Variants in GMDS observed in about 807,000 individuals in gnomAD.
GMDS encodes the protein GDP-mannose 4,6-dehydratase, also known as GDP-mannose 4,6 dehydratase.
In GMDS, 20 loss-of-function variants were observed where a neutral mutation model predicts 49.9. The ratio of observed to expected loss-of-function variants is 0.40; its 90% confidence interval spans 0.28 to 0.58. The LOEUF (loss-of-function observed/expected upper bound fraction) is 0.58, where lower values mean the gene tolerates loss of function less well. Among genes scored for constraint, GMDS ranks in the 20% least tolerant of loss-of-function variants. GMDS has a pLI of 0.42. For synonymous variants in GMDS, 177 were observed against 178.6 expected, an observed-to-expected ratio of 0.99 and a Z score of 0.07; for missense variants, 362 against 481.4, an observed-to-expected ratio of 0.75 and a Z score of 2.32.
At chr6:1,859,471 C>G in intron 7 of GMDS, among the ~76,000 whole-genome samples, 1 of 152,158 alleles carries the variant, frequency 6.6e-6, no homozygotes, top group South Asian at 2.1e-4. Flanking sequence ...TAATGGCCAC[C>G]AAACGTGCAA....
chr6:1,720,184 A>T (rs1766328684), intron 9 of GMDS, among the ~76,000 whole-genome samples: 1 of 152,232 alleles, frequency 6.6e-6, no homozygotes, highest in Admixed American at 6.5e-5. Context: ...GGGTTATTAC[A>T]ATCAGTACAC....
intron 4 of GMDS, among the ~76,000 whole-genome samples, chr6:2,084,419 TC>T (rs1265319559): frequency 6.6e-6 from 1 of 152,168 alleles, no homozygotes; most frequent in African/African-American, 2.4e-5. Flanking sequence ...AACTTTCCAA[TC>T]TCTAAAATAG....
chr6:1,658,732 G>A (rs905230016), intron 9 of GMDS, among the ~76,000 whole-genome samples: 2 of 152,220 alleles, frequency 1.3e-5, no homozygotes, highest in Admixed American at 6.5e-5. Flanking sequence ...TATTTAGCTC[G>A]GCTTTCTGCT....
chr6:2,041,196 G>A (rs577859993), intron 4 of GMDS, among the ~76,000 whole-genome samples: 17 of 152,106 alleles, frequency 1.1e-4, no homozygotes, highest in South Asian at 8.3e-4. Context: ...CACATATGCC[G>A]ACATATATAT....
chr6:1,832,053 T>C (rs1286945185), intron 7 of GMDS, among the ~76,000 whole-genome samples: 2 of 151,950 alleles, frequency 1.3e-5, no homozygotes, highest in East Asian at 1.9e-4. Flanking sequence ...TAAGTGAAGG[T>C]AGGGTACAGA....
intron 1 of GMDS, among the ~76,000 whole-genome samples, chr6:2,136,304 T>C (rs1775996529): frequency 6.6e-6 from 1 of 152,258 alleles, no homozygotes; most frequent in Non-Finnish European, 1.5e-5. Context: ...TAAATTCATG[T>C]ACCCAACCTG....
intron 1 of GMDS, among the ~76,000 whole-genome samples, chr6:2,172,045 C>T (rs1462591729): frequency 6.6e-6 from 1 of 152,040 alleles, no homozygotes; most frequent in Non-Finnish European, 1.5e-5. Context: ...TCAAAGACAG[C>T]ATGTGTAACA....
At position 1,907,193 on chromosome 6, in the gene GMDS, G is replaced by A. The variant is rs182131019; in HGVS notation, c.771+22910C>T. ...ATGGGGAAGATGGCTTGGCATGCAC[G>A]TGTCAGTGTATGTGTATCAACTTGA... On this transcript the variant is annotated intron_variant, in intron 7 of 10. Coordinates refer to ENST00000380815, the MANE Select transcript of GMDS (RefSeq NM_001500.4). Among the ~76,000 whole-genome samples, 151 of 152,300 alleles carry A rather than the reference G, an allele frequency of 9.9e-4. 1 individual carries two copies. The highest frequency in any genetic ancestry group is 8.6e-3 in the Admixed American group (131 of 15,290).
intron 4 of GMDS, among the ~76,000 whole-genome samples, chr6:1,997,172 A>C (rs1766334088): frequency 6.6e-6 from 1 of 151,992 alleles, no homozygotes; most frequent in Non-Finnish European, 1.5e-5. Context: ...GCTTCTTAAG[A>C]CCTGAGGAAG....
chr6:1,837,817 C>A (rs1756993753), intron 7 of GMDS, among the ~76,000 whole-genome samples: 1 of 152,152 alleles, frequency 6.6e-6, no homozygotes, highest in African/African-American at 2.4e-5. Flanking sequence ...CACTTTCCCA[C>A]AGGTCTGGAC....
At position 1,742,704 on chromosome 6, in the gene GMDS, A is replaced by T. The variant is rs1767321584; in HGVS notation, c.772-118T>A. Reference sequence around the variant, plus strand: ...GCTGGAACATGAGCATGAATTTCATAGCATATTCTAAGCACAACAGCAATG... The same window carrying T: ...GCTGGAACATGAGCATGAATTTCATTGCATATTCTAAGCACAACAGCAATG... On this transcript the variant is annotated intron_variant, in intron 7 of 10. Transcript: ENST00000380815. The T allele has an allele frequency of 4.7e-6, 3 of 633,164 alleles. No individual in the cohort carries two copies. The African/African-American group carries it at 5.4e-5, about 11-fold the overall frequency. 39.2% of individuals were successfully genotyped at this position (633,164 alleles called of 1,614,324 possible).
At chr6:2,088,658 G>A (rs1773147579) in intron 4 of GMDS, among the ~76,000 whole-genome samples, 1 of 152,108 alleles carries the variant, frequency 6.6e-6, no homozygotes, top group Non-Finnish European at 1.5e-5. Context: ...GGTTCTTTCT[G>A]ATCACAATCT....
chr6:2,127,853 T>C lies in GMDS; in HGVS notation c.103-3122A>G, dbSNP rs568660665. Reference sequence around the variant, plus strand: ...ACAGAGCTGATAAAGAATGCTCCAATCAGACTAATGACTGAAATGTCACAG... The same window carrying C: ...ACAGAGCTGATAAAGAATGCTCCAACCAGACTAATGACTGAAATGTCACAG... On this transcript the variant is annotated intron_variant, in intron 1 of 10. Transcript: ENST00000380815. Among the ~76,000 whole-genome samples the C allele has an allele frequency of 1.5e-4, 23 of 152,304 alleles. No individual in the cohort carries two copies. The South Asian group carries it at 4.1e-3, about 27-fold the overall frequency.
At chr6:2,016,215 C>T (rs756373877) in intron 4 of GMDS, among the ~76,000 whole-genome samples, 3 of 149,972 alleles carry the variant, frequency 2.0e-5, no homozygotes, top group Admixed American at 6.6e-5. Context: ...GCTGTGATTG[C>T]GCCACTGCAC....
chr6:2,192,341 T>C (rs1415460383), intron 1 of GMDS, among the ~76,000 whole-genome samples: 1 of 151,922 alleles, frequency 6.6e-6, no homozygotes, highest in Admixed American at 6.6e-5. Flanking sequence ...AGCTCCTCTT[T>C]GCCTTGCTCA....
At chr6:1,666,143 G>GCATTTGCC (rs1764229284) in intron 9 of GMDS, among the ~76,000 whole-genome samples, 1 of 152,166 alleles carries the variant, frequency 6.6e-6, no homozygotes, top group Non-Finnish European at 1.5e-5. Flanking sequence ...AACTGATTAG[G>GCATTTGCC]CATTTGCCCC....
intron 7 of GMDS, among the ~76,000 whole-genome samples, chr6:1,913,046 T>A (rs1486125557): frequency 1.3e-5 from 2 of 152,218 alleles, no homozygotes; most frequent in East Asian, 3.8e-4. Context: ...TTATTGTTAT[T>A]TGATCAAGAA....
intron 1 of GMDS, among the ~76,000 whole-genome samples, chr6:2,222,432 C>T (rs1429661263): frequency 6.6e-6 from 1 of 152,206 alleles, no homozygotes; most frequent in Non-Finnish European, 1.5e-5. Flanking sequence ...GCCCAAATGT[C>T]TCCATTCATT....
At chr6:2,158,278 C>T (rs755740085) in intron 1 of GMDS, among the ~76,000 whole-genome samples, 65 of 151,916 alleles carry the variant, frequency 4.3e-4, no homozygotes, top group African/African-American at 9.0e-4. Flanking sequence ...AACATATGTA[C>T]GCATAAGGGA....
Sources: allele counts gnomAD v4.1 joint callset (sites outside exome capture counted in the v4.1 genomes callset), GRCh38; gene constraint gnomAD v4.1.1; transcripts MANE v1.5; gene names NCBI Gene and HGNC (gene_info 2026-07-23, HGNC 2026-07-21).